Variants in GSN observed in about 807,000 individuals in gnomAD.
The protein encoded by GSN is gelsolin.
GSN carries 56 observed loss-of-function variants against 85.7 expected under a neutral mutation model. The observed-to-expected ratio is 0.65, with a 90% CI of 0.53 to 0.82. The LOEUF is 0.82. Among genes scored for constraint, GSN ranks in the 40% least tolerant of loss-of-function variants. GSN has a pLI of 0.00. For missense variants in GSN, 857 were observed against 979.8 expected, an observed-to-expected ratio of 0.87 and a Z score of 1.67; for synonymous variants, 373 against 399.1, an observed-to-expected ratio of 0.93 and a Z score of 0.78.
At chr9:121,202,806 A>T (rs924106806), upstream of GSN, among the ~76,000 whole-genome samples, 2 of 152,330 alleles carry the variant, frequency 1.3e-5, no homozygotes, top group Non-Finnish European at 2.9e-5. Context: ...CTGACCTGAA[A>T]GTTCATTTTT....
At chr9:121,285,990 G>A in intron 2 of GSN, 1 of 788,848 alleles carries the variant, frequency 1.3e-6, no homozygotes, top group Non-Finnish European at 2.1e-6. Context: ...GTGTTGAGGA[G>A]AAGAACCATT....
chr9:121,258,815 A>C (rs1588503075), intron 6 of GSN, among the ~76,000 whole-genome samples: 2 of 152,214 alleles, frequency 1.3e-5, no homozygotes, highest in Non-Finnish European at 2.9e-5. Context: ...AATATCAATT[A>C]GTTTCTTCAG....
intron 1 of GSN, among the ~76,000 whole-genome samples, chr9:121,275,564 G>A (rs554563841): frequency 2.0e-5 from 3 of 152,242 alleles, no homozygotes; most frequent in South Asian, 2.1e-4. Context: ...CGTTCAGAAC[G>A]GAGGTAAAAC....
At chr9:121,327,249 G>T (rs1033905696) in intron 13 of GSN, 59 bp from the exon 14 acceptor site, 1 of 1,397,194 alleles carries the variant, frequency 7.2e-7, no homozygotes, top group Non-Finnish European at 1.0e-6. Flanking sequence ...CCTGGGCTGT[G>T]AGGAGGGGGC....
chr9:121,315,831 T>C (rs1179490537), intron 7 of GSN, among the ~76,000 whole-genome samples: 1 of 152,122 alleles, frequency 6.6e-6, no homozygotes, highest in Non-Finnish European at 1.5e-5. Context: ...AGACTACCTG[T>C]GTTTGAATTC....
intron 6 of GSN, among the ~76,000 whole-genome samples, chr9:121,256,879 A>G (rs182058997): frequency 6.6e-6 from 1 of 152,326 alleles, no homozygotes; most frequent in African/African-American, 2.4e-5. Flanking sequence ...AAACAGAATG[A>G]GACTCCATCT....
intron 2 of GSN, chr9:121,300,011 T>G (rs745915597): frequency 6.7e-7 from 1 of 1,497,920 alleles, no homozygotes; most frequent in South Asian, 1.3e-5. Flanking sequence ...CGCGGGTGAG[T>G]GCCCGGGGGG....
At chr9:121,312,177 T>G in intron 5 of GSN, 162 bp from the exon 6 acceptor site, 1 of 723,900 alleles carries the variant, frequency 1.4e-6, no homozygotes, top group Non-Finnish European at 2.4e-6. Context: ...TCACACTTAA[T>G]TGTACGTAAA....
At chr9:121,317,048 A>T (rs1367664282) in intron 7 of GSN, 38 bp from the exon 8 acceptor site, 2 of 1,613,682 alleles carry the variant, frequency 1.2e-6, no homozygotes, top group Admixed American at 3.3e-5. Flanking sequence ...GCGGCCACAG[A>T]CACTCATGTG....
chr9:121,237,513 G>A (rs1256463212), intron 5 of GSN, among the ~76,000 whole-genome samples: 1 of 152,054 alleles, frequency 6.6e-6, no homozygotes, highest in Non-Finnish European at 1.5e-5. Context: ...CTCACACCAC[G>A]GTACTCCAGC....
chr9:121,327,463 G>A lies in GSN; in HGVS notation c.1743G>A (p.Val581=), dbSNP rs1000361170. 4 of 1,583,818 alleles carry A rather than the reference G, an allele frequency of 2.5e-6. No homozygotes were observed. In the South Asian group the frequency reaches 3.4e-5, roughly 14 times the overall value. ...LRVLRAQPVQ[V]AEGSEPDGFW... Reference sequence around the variant, plus strand: ...TGCTGCGGGCCCAACCTGTGCAGGTGGCAGAAGGCAGCGAGCCAGGTAGGA... The same window carrying A: ...TGCTGCGGGCCCAACCTGTGCAGGTAGCAGAAGGCAGCGAGCCAGGTAGGA... Residue 581 remains valine, a synonymous_variant, in exon 14 of 18, where the codon GTG becomes GTA. Coordinates refer to ENST00000432226, the MANE Select transcript of GSN (RefSeq NM_198252.3).
chr9:121,233,243 A>C (rs1421724432), intron 5 of GSN, among the ~76,000 whole-genome samples: 2 of 152,126 alleles, frequency 1.3e-5, no homozygotes, highest in African/African-American at 4.8e-5. Context: ...AGGCAGGTGG[A>C]TCACAAGGTC....
At chr9:121,210,492 ACCACAGTGGACT>A (rs1018084079) in intron 3 of GSN, among the ~76,000 whole-genome samples, 7 of 152,198 alleles carry the variant, frequency 4.6e-5, no homozygotes, top group Admixed American at 2.6e-4. Context: ...AACCCAGTCT[ACCACAGTGGACT>A]CCCCAAGAGC....
rs377710586 is a variant in GSN, at chr9:121,329,310, G to A, written c.1960G>A (p.Asp654Asn). Reference sequence around the variant, plus strand: ...TGACGTCATGCTTCTGGACACCTGGGACCAGGTGGGTGAAGGACAGGTGAA... The same window carrying A: ...TGACGTCATGCTTCTGGACACCTGGAACCAGGTGGGTGAAGGACAGGTGAA... ...TDDVMLLDTW[D>N]QVFVWVGKDS... is the part of the protein sequence containing the mutation. Residue 654 changes from aspartate to asparagine, a missense_variant, in exon 16 of 18, where the codon GAC becomes AAC. Transcript: ENST00000432226. This position sits in a 1 kb window ranked among gnomAD's most constrained non-coding sequence, Gnocchi z 4.6. 2 of 1,590,288 alleles carry A rather than the reference G, an allele frequency of 1.3e-6. No individual in the cohort carries two copies. The highest frequency in any genetic ancestry group is 2.7e-5 in the African/African-American group (2 of 74,584).
chr9:121,283,585 A>G (rs977360977), intron 2 of GSN: 20 of 166,822 alleles, frequency 1.2e-4, no homozygotes, highest in Non-Finnish European at 1.9e-4. Flanking sequence ...GGTGTGAGCC[A>G]TGACGCCTGG....
chr9:121,227,933 G>A (rs1307431510), intron 4 of GSN, among the ~76,000 whole-genome samples: 2 of 152,084 alleles, frequency 1.3e-5, no homozygotes, highest in African/African-American at 2.4e-5. Context: ...TGGACATCCC[G>A]GGGCCAGGAA....
chr9:121,223,333 A>C (rs942395205), intron 4 of GSN, among the ~76,000 whole-genome samples: 3 of 151,972 alleles, frequency 2.0e-5, no homozygotes, highest in African/African-American at 7.3e-5. Flanking sequence ...TGCCCTGCTC[A>C]TGTCTGACTA....
intron 4 of GSN, among the ~76,000 whole-genome samples, chr9:121,221,278 TA>T (rs1303860156): frequency 1.3e-5 from 2 of 151,862 alleles, no homozygotes; most frequent in Non-Finnish European, 2.9e-5. Flanking sequence ...CTTCCCAAAA[TA>T]AAAAAAAGAG....
At chr9:121,281,390 G>A (rs2132596523) in intron 1 of GSN, 80 bp from the exon 2 acceptor site, 1 of 358,630 alleles carries the variant, frequency 2.8e-6, no homozygotes, top group Non-Finnish European at 5.7e-6. Flanking sequence ...GGAGGAAAGG[G>A]GTTGAAACAT....
Sources: allele counts gnomAD v4.1 joint callset (sites outside exome capture counted in the v4.1 genomes callset), GRCh38; gene constraint gnomAD v4.1.1; non-coding constraint Gnocchi (gnomAD v3.1); transcripts MANE v1.5; gene names NCBI Gene and HGNC (gene_info 2026-07-23, HGNC 2026-07-21).